Variants in FHOD3 observed in about 807,000 individuals in gnomAD.
FHOD3 encodes FH1/FH2 domain-containing protein 3.
A neutral mutation model predicts 173.0 loss-of-function variants in FHOD3; 90 were observed. The ratio of observed to expected loss-of-function variants is 0.52; its 90% CI spans 0.44 to 0.62. FHOD3 has a LOEUF of 0.62. Ranked by LOEUF, FHOD3 falls within the 20% of genes least tolerant of loss-of-function variation. The pLI is 0.00. For missense variants in FHOD3, 1,945 were observed against 2,034.7 expected, an observed-to-expected ratio of 0.96 and a Z score of 0.85; for synonymous variants, 828 against 823.0, an observed-to-expected ratio of 1.01 and a Z score of -0.10.
chr18:36,661,106 T>C (rs541667137), intron 14 of FHOD3, among the ~76,000 whole-genome samples: 32 of 151,840 alleles, frequency 2.1e-4, no homozygotes, highest in African/African-American at 6.8e-4. Context: ...ACTTTACTTA[T>C]GTTTTGTAAG....
intron 3 of FHOD3, among the ~76,000 whole-genome samples, chr18:36,413,313 A>G (rs569585807): frequency 6.6e-6 from 1 of 152,202 alleles, no homozygotes; most frequent in Non-Finnish European, 1.5e-5. Flanking sequence ...CTCCATCTCC[A>G]GAACATATAC....
intron 3 of FHOD3, among the ~76,000 whole-genome samples, chr18:36,414,120 T>C (rs566913892): frequency 7.9e-5 from 12 of 152,192 alleles, no homozygotes; most frequent in Non-Finnish European, 1.8e-4. Context: ...TCCACCTTAT[T>C]TGGCACACTA....
chr18:36,439,815 G>T (rs1028673226), intron 3 of FHOD3, among the ~76,000 whole-genome samples: 6 of 152,124 alleles, frequency 3.9e-5, no homozygotes, highest in African/African-American at 1.4e-4. Flanking sequence ...ATATCCTAGT[G>T]CAGGAAAAGA....
intron 3 of FHOD3, among the ~76,000 whole-genome samples, chr18:36,476,766 G>A (rs1340296698): frequency 1.3e-5 from 2 of 152,176 alleles, no homozygotes; most frequent in Admixed American, 6.5e-5. Flanking sequence ...CACATCAACT[G>A]TTCTTAAGTG....
chr18:36,299,508 A>T (rs1440340588), intron 1 of FHOD3, among the ~76,000 whole-genome samples: 1 of 152,204 alleles, frequency 6.6e-6, no homozygotes, highest in Non-Finnish European at 1.5e-5. Context: ...AAGGCTCATA[A>T]TTGTGGCCCT....
At chr18:36,528,373 G>A (rs1376117681) in intron 5 of FHOD3, among the ~76,000 whole-genome samples, 1 of 152,156 alleles carries the variant, frequency 6.6e-6, no homozygotes, top group Non-Finnish European at 1.5e-5. Flanking sequence ...AGTTGGCCTG[G>A]CTCTGGGCAT....
chr18:36,413,582 C>G (rs765950330), intron 3 of FHOD3, among the ~76,000 whole-genome samples: 1 of 152,178 alleles, frequency 6.6e-6, no homozygotes, highest in Non-Finnish European at 1.5e-5. Flanking sequence ...CACCAGATCT[C>G]TATTTATCAA....
chr18:36,603,101 G>A (rs145439558), intron 8 of FHOD3, among the ~76,000 whole-genome samples: 30 of 152,300 alleles, frequency 2.0e-4, no homozygotes, highest in African/African-American at 6.7e-4. Flanking sequence ...TTCAGGGAAA[G>A]CATGGCCCTG....
intron 5 of FHOD3, among the ~76,000 whole-genome samples, chr18:36,525,485 C>A (rs983153037): frequency 2.0e-5 from 3 of 152,186 alleles, no homozygotes; most frequent in African/African-American, 7.2e-5. Flanking sequence ...ATTTCTGCAC[C>A]ATGGAAACTG....
chr18:36,692,618 T>C (rs191950105), intron 16 of FHOD3, among the ~76,000 whole-genome samples: 1 of 152,326 alleles, frequency 6.6e-6, no homozygotes, highest in East Asian at 1.9e-4. Context: ...GTTCAAGCTA[T>C]TGGATGTCTG....
chr18:36,734,366 C>T (rs1320024708), intron 20 of FHOD3, among the ~76,000 whole-genome samples: 1 of 152,182 alleles, frequency 6.6e-6, no homozygotes, highest in Non-Finnish European at 1.5e-5. Context: ...CCATTAGATG[C>T]CAGTAACACC....
intron 3 of FHOD3, among the ~76,000 whole-genome samples, chr18:36,409,294 A>G (rs1189672259): frequency 6.6e-6 from 1 of 152,202 alleles, no homozygotes; most frequent in Non-Finnish European, 1.5e-5. Context: ...GAGAAAAGAA[A>G]CAGCTCTTCT....
At chr18:36,676,271 G>C (rs2037850338) in intron 14 of FHOD3, among the ~76,000 whole-genome samples, 1 of 152,144 alleles carries the variant, frequency 6.6e-6, no homozygotes, top group South Asian at 2.1e-4. Context: ...AAACTTCATA[G>C]AAATGATAGA....
intron 23 of FHOD3, among the ~76,000 whole-genome samples, chr18:36,745,235 G>T (rs2042094556): frequency 6.6e-6 from 1 of 152,214 alleles, no homozygotes. Flanking sequence ...CCGAGCAGGG[G>T]ACCCTGAACT....
intron 5 of FHOD3, among the ~76,000 whole-genome samples, chr18:36,518,669 A>G (rs949027345): frequency 3.9e-5 from 6 of 152,234 alleles, no homozygotes; most frequent in African/African-American, 9.6e-5. Context: ...ATTTGGCATA[A>G]AAATACAGCT....
At chr18:36,564,549 C>T (rs2058199366) in intron 5 of FHOD3, among the ~76,000 whole-genome samples, 1 of 152,124 alleles carries the variant, frequency 6.6e-6, no homozygotes, top group Non-Finnish European at 1.5e-5. Flanking sequence ...TGGATATAAA[C>T]TTTGCTGCTG....
At chr18:36,465,356 C>A (rs2052851246) in intron 3 of FHOD3, among the ~76,000 whole-genome samples, 1 of 152,100 alleles carries the variant, frequency 6.6e-6, no homozygotes, top group Non-Finnish European at 1.5e-5. Flanking sequence ...GGATCTCATA[C>A]CCTAAGAGGA....
chr18:36,430,779 ACT>A (rs759177897), intron 3 of FHOD3, among the ~76,000 whole-genome samples: 3 of 151,950 alleles, frequency 2.0e-5, no homozygotes, highest in Non-Finnish European at 4.4e-5. Context: ...TTTGCAAGAG[ACT>A]CTTGTAAATA....
chr18:36,678,524 CAAAAAAAA>C (rs58064190), intron 14 of FHOD3, among the ~76,000 whole-genome samples: 14 of 71,154 alleles, frequency 2.0e-4, no homozygotes, highest in Middle Eastern at 8.2e-3. Context: ...GACCCTGTCT[CAAAAAAAA>C]AAAAAAAAAA....
Sources: gnomAD v4.1 joint callset for allele counts (sites outside exome capture counted in the v4.1 genomes callset) on GRCh38, gnomAD v4.1.1 for gene constraint, MANE v1.5 for transcripts, NCBI Gene and HGNC (gene_info 2026-07-23, HGNC 2026-07-21) for gene names.